CRB1: variants seen among roughly 807,000 people sequenced by gnomAD.
CRB1 encodes the protein crumbs cell polarity complex component 1.
Under a neutral mutation model 120.0 loss-of-function variants are expected in CRB1, and 83 were observed. The ratio of observed to expected loss-of-function variants is 0.69; its 90% CI spans 0.58 to 0.83. The LOEUF is 0.83. Among genes scored for constraint, CRB1 ranks in the 40% least tolerant of loss-of-function variants. The pLI is 0.00. For synonymous variants in CRB1, 625 were observed against 612.5 expected, an observed-to-expected ratio of 1.02 and a Z score of -0.30; for missense variants, 1,699 against 1,687.6, an observed-to-expected ratio of 1.01 and a Z score of -0.12.
At chr1:197,215,745 T>C in the CRB1 span, among the ~76,000 whole-genome samples, 3 of 152,158 alleles carry the variant, frequency 2.0e-5, no homozygotes, top group Non-Finnish European at 4.4e-5. Context: ...CCACCATGAC[T>C]GTATGTTTCC....
At chr1:197,411,027 G>T (rs1008841456) in intron 5 of CRB1, among the ~76,000 whole-genome samples, 1 of 152,192 alleles carries the variant, frequency 6.6e-6, no homozygotes, top group African/African-American at 2.4e-5. Context: ...AATTCCATGT[G>T]TTAGACCTTT....
chr1:197,399,801 T>A (rs1662969733), intron 5 of CRB1, among the ~76,000 whole-genome samples: 1 of 152,030 alleles, frequency 6.6e-6, no homozygotes, highest in South Asian at 2.1e-4. Flanking sequence ...ACAAATTCCT[T>A]CAGGGTGGTT....
chr1:197,254,104 A>G, the CRB1 span, among the ~76,000 whole-genome samples: 1 of 152,070 alleles, frequency 6.6e-6, no homozygotes, highest in Non-Finnish European at 1.5e-5. Flanking sequence ...CGGAGAGGCT[A>G]GATACATTTA....
At chr1:197,236,966 T>C in the CRB1 span, among the ~76,000 whole-genome samples, 1 of 152,150 alleles carries the variant, frequency 6.6e-6, no homozygotes, top group Non-Finnish European at 1.5e-5. Context: ...TAGGGAGAAA[T>C]ATTGGCCCAT....
chr1:197,309,363 T>G (rs1376890229), intron 1 of CRB1, among the ~76,000 whole-genome samples: 1 of 152,112 alleles, frequency 6.6e-6, no homozygotes, highest in Non-Finnish European at 1.5e-5. Flanking sequence ...TGGACTAACA[T>G]AACACCTTCT....
chr1:197,239,034 A>C, the CRB1 span, among the ~76,000 whole-genome samples: 1 of 151,186 alleles, frequency 6.6e-6, no homozygotes, highest in Non-Finnish European at 1.5e-5. Context: ...TCTCTTACTT[A>C]CTCTTCAGTT....
At chr1:197,206,786 T>G in the CRB1 span, among the ~76,000 whole-genome samples, 1 of 152,138 alleles carries the variant, frequency 6.6e-6, no homozygotes, top group Admixed American at 6.5e-5. Context: ...CCATTTTTTC[T>G]TTGTTTAATT....
intron 8 of CRB1, among the ~76,000 whole-genome samples, chr1:197,430,207 C>G (rs934736324): frequency 6.6e-6 from 1 of 152,162 alleles, no homozygotes; most frequent in Non-Finnish European, 1.5e-5. Context: ...GAATACTATA[C>G]AGTATTCACA....
intron 2 of CRB1, 68 bp downstream of exon 2, chr1:197,329,071 G>A: frequency 7.4e-7 from 1 of 1,360,436 alleles, no homozygotes; most frequent in Non-Finnish European, 1.0e-6. Context: ...AAGCAGAGGT[G>A]ACATTTTATT....
At chr1:197,449,313 A>G (rs1665842323) in intron 11 of CRB1, among the ~76,000 whole-genome samples, 2 of 152,132 alleles carry the variant, frequency 1.3e-5, no homozygotes, top group Admixed American at 1.3e-4. Context: ...TATACAATGC[A>G]GAGATTATGA....
chr1:197,277,000 A>G (rs1272480008), intron 1 of CRB1, among the ~76,000 whole-genome samples: 1 of 151,982 alleles, frequency 6.6e-6, no homozygotes, highest in Non-Finnish European at 1.5e-5. Context: ...AGGAATTTAA[A>G]AGGCCAGTTA....
At chr1:197,475,345 C>T (rs1003773854) in intron 11 of CRB1, among the ~76,000 whole-genome samples, 7 of 152,130 alleles carry the variant, frequency 4.6e-5, no homozygotes, top group African/African-American at 1.7e-4. Flanking sequence ...TCCACCTGCT[C>T]ATCTAATGTG....
chr1:197,421,431 C>A lies in CRB1; in HGVS notation c.1603C>A (p.Leu535Met). ...AAGCAACAGGGATGTGTTTGTGAAG[C>A]TGGAGCTGCTAAGTGGCTACATTCA... is the stretch of plus-strand genomic sequence containing the variant. ...FRSNRDVFVK[L>M]ELLSGYIHLS... is the part of the protein sequence containing the mutation. Residue 535 changes from leucine (L) to methionine (M), a missense_variant, in exon 6 of 12, where the codon CTG becomes ATG. Transcript: ENST00000367400. 6.2e-7 allele frequency: 1 copy of A among 1,614,224 alleles called. No individual in the cohort carries two copies. Among genetic ancestry groups the A allele is most frequent in the Non-Finnish European group, 8.5e-7 (1 of 1,180,054 alleles).
chr1:197,391,644 T>C (rs1662513118), intron 5 of CRB1, among the ~76,000 whole-genome samples: 1 of 152,120 alleles, frequency 6.6e-6, no homozygotes, highest in Non-Finnish European at 1.5e-5. Flanking sequence ...AACTTTATAA[T>C]AAATTCGACT....
intron 4 of CRB1, among the ~76,000 whole-genome samples, chr1:197,349,525 T>G (rs919680823): frequency 2.0e-5 from 3 of 152,190 alleles, no homozygotes; most frequent in Middle Eastern, 3.2e-3. Context: ...TGTCTCTCTC[T>G]CCCCACTAAC....
intron 5 of CRB1, among the ~76,000 whole-genome samples, chr1:197,395,909 A>G (rs1662746434): frequency 6.6e-6 from 1 of 152,204 alleles, no homozygotes; most frequent in African/African-American, 2.4e-5. Context: ...GAAAGACTGA[A>G]TGCTTTTCCC....
At chr1:197,309,753 A>AAAAT (rs57529093) in intron 1 of CRB1, among the ~76,000 whole-genome samples, 34,782 of 141,386 alleles carry the variant, frequency 0.25, 4,820 homozygotes, top group East Asian at 0.58. Flanking sequence ...ACTACATCTC[A>AAAAT]AAATAAATAA....
chr1:197,265,269 T>G (rs1163314654), upstream of CRB1, among the ~76,000 whole-genome samples: 2 of 152,060 alleles, frequency 1.3e-5, no homozygotes, highest in Admixed American at 1.3e-4. Flanking sequence ...CTTTATTTCC[T>G]TCTTTCTTCC....
chr1:197,329,069 G>A (rs1484725543), intron 2 of CRB1, 66 bp downstream of exon 2: 3 of 1,375,628 alleles, frequency 2.2e-6, no homozygotes, highest in Non-Finnish European at 3.1e-6. Flanking sequence ...AGAAGCAGAG[G>A]TGACATTTTA....
Sources: gnomAD v4.1 joint callset for allele counts (sites outside exome capture counted in the v4.1 genomes callset) on GRCh38, gnomAD v4.1.1 for gene constraint, MANE v1.5 for transcripts, NCBI Gene and HGNC (gene_info 2026-07-23, HGNC 2026-07-21) for gene names.